SLC24A2: variants seen among roughly 807,000 people sequenced by gnomAD.
SLC24A2 encodes solute carrier family 24 member 2.
In SLC24A2, 36 loss-of-function variants were observed where a neutral mutation model predicts 62.0. That is an observed-to-expected ratio of 0.58 (90% confidence interval 0.44 to 0.77). SLC24A2 has a LOEUF of 0.77. Among genes scored for constraint, SLC24A2 ranks in the 30% least tolerant of loss-of-function variants. The pLI, the probability that SLC24A2 is intolerant of heterozygous loss-of-function variation, is 0.00. For missense variants in SLC24A2, 846 were observed against 817.9 expected (o/e 1.03, Z -0.42); for synonymous variants, 358 against 294.0 (o/e 1.22, Z -2.23).
the SLC24A2 span, among the ~76,000 whole-genome samples, chr9:20,136,330 A>C: frequency 6.6e-6 from 1 of 152,168 alleles, no homozygotes; most frequent in Non-Finnish European, 1.5e-5. Context: ...GAGTACTAAG[A>C]GGATTCAAGA....
chr9:19,723,560 G>A lies in SLC24A2; in HGVS notation c.930+62377C>T, dbSNP rs1353713094. Among the ~76,000 whole-genome samples, 4 of 152,134 alleles carry A rather than the reference G, an allele frequency of 2.6e-5. No individual in the cohort carries two copies. The East Asian group carries it at 7.7e-4, about 29-fold the overall frequency. ...CTTTAACATAGACTCTGTGAAATAA[G>A]CAATTTTTGCCATATGACTTTAGGA... On this transcript the variant is annotated intron_variant, in intron 2 of 10. Coordinates refer to ENST00000341998, the MANE Select transcript of SLC24A2 (RefSeq NM_020344.4).
chr9:20,007,926 C>A, the SLC24A2 span, among the ~76,000 whole-genome samples: 1 of 105,962 alleles, frequency 9.4e-6, no homozygotes, highest in South Asian at 3.5e-4. Context: ...GACAGAGCCT[C>A]ACTCTGTTGC....
intron 4 of SLC24A2, among the ~76,000 whole-genome samples, chr9:19,601,565 C>A (rs543041844): frequency 9.2e-5 from 14 of 152,268 alleles, no homozygotes; most frequent in Admixed American, 9.2e-4. Context: ...CCGGAAAGAA[C>A]CAACTCTGGA....
intron 8 of SLC24A2, among the ~76,000 whole-genome samples, chr9:19,535,498 A>G: frequency 6.6e-6 from 1 of 152,124 alleles, no homozygotes; most frequent in East Asian, 1.9e-4. Context: ...CTTAAGGTGG[A>G]GTCTTTAATC....
At chr9:19,627,747 T>G (rs890658309) in intron 2 of SLC24A2, among the ~76,000 whole-genome samples, 1 of 152,142 alleles carries the variant, frequency 6.6e-6, no homozygotes, top group Non-Finnish European at 1.5e-5. Context: ...TTGCCCAGAC[T>G]GGTCTCGAAC....
the SLC24A2 span, among the ~76,000 whole-genome samples, chr9:19,982,080 G>C: frequency 1.3e-5 from 2 of 152,142 alleles, no homozygotes; most frequent in Non-Finnish European, 2.9e-5. Flanking sequence ...ATGCAAAGGT[G>C]TGTTACTCTG....
chr9:19,666,912 G>C (rs1407070973), intron 2 of SLC24A2, among the ~76,000 whole-genome samples: 1 of 152,098 alleles, frequency 6.6e-6, no homozygotes, highest in Non-Finnish European at 1.5e-5. Flanking sequence ...TGCTATTTAT[G>C]TGTACATTAT....
At chr9:20,233,181 G>T in the SLC24A2 span, among the ~76,000 whole-genome samples, 1 of 152,214 alleles carries the variant, frequency 6.6e-6, no homozygotes, top group African/African-American at 2.4e-5. Context: ...GTGGTGTGGT[G>T]CTGAAAAGAA....
chr9:20,185,583 T>G, the SLC24A2 span, among the ~76,000 whole-genome samples: 1 of 147,702 alleles, frequency 6.8e-6, no homozygotes, highest in Non-Finnish European at 1.5e-5. Context: ...GAGAATGGCG[T>G]GAACCCGGGA....
chr9:19,838,115 A>G, the SLC24A2 span, among the ~76,000 whole-genome samples: 2 of 152,286 alleles, frequency 1.3e-5, no homozygotes, highest in South Asian at 4.1e-4. Flanking sequence ...TGCCAAGTCA[A>G]TCCGAAGCCT....
chr9:19,993,637 C>G, the SLC24A2 span, among the ~76,000 whole-genome samples: 2 of 152,184 alleles, frequency 1.3e-5, no homozygotes, highest in African/African-American at 2.4e-5. Flanking sequence ...CACATCTCCT[C>G]CTCCGTGAAG....
chr9:19,964,545 A>G, the SLC24A2 span, among the ~76,000 whole-genome samples: 1 of 152,178 alleles, frequency 6.6e-6, no homozygotes, highest in Non-Finnish European at 1.5e-5. Flanking sequence ...GAAAGGATAC[A>G]GAGAGGAGAT....
the SLC24A2 span, among the ~76,000 whole-genome samples, chr9:20,086,096 C>A: frequency 6.6e-6 from 1 of 152,164 alleles, no homozygotes; most frequent in South Asian, 2.1e-4. Context: ...TGTTGCTCCT[C>A]CCTCTCAGAG....
chr9:20,031,708 C>T, the SLC24A2 span, among the ~76,000 whole-genome samples: 22 of 151,296 alleles, frequency 1.5e-4, 1 homozygote, highest in African/African-American at 5.2e-4. Context: ...TCATTCCATT[C>T]CCAGGTCCCC....
chr9:20,194,275 G>A, the SLC24A2 span, among the ~76,000 whole-genome samples: 3 of 152,068 alleles, frequency 2.0e-5, no homozygotes, highest in African/African-American at 7.2e-5. Context: ...GAAGAAAGAA[G>A]AGAAAATACT....
the SLC24A2 span, among the ~76,000 whole-genome samples, chr9:20,118,051 T>TA: frequency 2.0e-5 from 3 of 152,204 alleles, no homozygotes; most frequent in East Asian, 5.8e-4. Flanking sequence ...ATTACTCCAT[T>TA]ATAGAAGGAA....
chr9:19,747,425 A>C (rs1821864673), intron 2 of SLC24A2, among the ~76,000 whole-genome samples: 1 of 152,202 alleles, frequency 6.6e-6, no homozygotes, highest in Non-Finnish European at 1.5e-5. Context: ...AAGTCCTTAT[A>C]CATATACTTA....
chr9:19,698,768 G>A (rs181483761), intron 2 of SLC24A2, among the ~76,000 whole-genome samples: 3 of 152,254 alleles, frequency 2.0e-5, no homozygotes, highest in Admixed American at 6.5e-5. Context: ...TCTCTGTATT[G>A]CAGAAGGAAA....
At chr9:20,086,682 C>T in the SLC24A2 span, among the ~76,000 whole-genome samples, 1 of 152,178 alleles carries the variant, frequency 6.6e-6, no homozygotes, top group Non-Finnish European at 1.5e-5. Flanking sequence ...CTAACCTTTG[C>T]TCCTCTGTTG....
Sources: gnomAD v4.1 joint callset for allele counts (sites outside exome capture counted in the v4.1 genomes callset) on GRCh38, gnomAD v4.1.1 for gene constraint, MANE v1.5 for transcripts, NCBI Gene and HGNC (gene_info 2026-07-23, HGNC 2026-07-21) for gene names.